The following SPIDR variants were observed in gnomAD, a reference collection of about 807,000 sequenced individuals.
The protein encoded by SPIDR is scaffold protein involved in DNA repair.
A neutral mutation model predicts 104.6 loss-of-function variants in SPIDR; 93 were observed. The ratio of observed to expected loss-of-function variants is 0.89; its 90% CI spans 0.75 to 1.06. The LOEUF (loss-of-function observed/expected upper bound fraction) is 1.06, where lower values mean the gene tolerates loss of function less well. Among genes scored for constraint, SPIDR ranks in the 50% least tolerant of loss-of-function variants. The pLI is 0.00. For missense variants in SPIDR, 1,154 were observed against 1,111.2 expected (o/e 1.04, Z -0.55); for synonymous variants, 431 against 416.9 (o/e 1.03, Z -0.41).
chr8:47,267,211 G>T (rs182885892), intron 1 of SPIDR, among the ~76,000 whole-genome samples: 1 of 151,688 alleles, frequency 6.6e-6, no homozygotes, highest in South Asian at 2.1e-4. Flanking sequence ...ATTGAGATCC[G>T]GTCTCATTAT....
intron 8 of SPIDR, among the ~76,000 whole-genome samples, chr8:47,478,936 G>A (rs1354113694): frequency 1.3e-5 from 2 of 152,134 alleles, no homozygotes; most frequent in African/African-American, 2.4e-5. Flanking sequence ...CATCCAAGCC[G>A]TTCTTAGCTT....
chr8:47,713,117 C>T (rs2082107354), intron 15 of SPIDR: 4 of 969,842 alleles, frequency 4.1e-6, no homozygotes, highest in Non-Finnish European at 5.6e-6. Flanking sequence ...GCACCCCATA[C>T]TGCTGCAGAC....
At chr8:47,322,083 A>C (rs913242545) in intron 5 of SPIDR, among the ~76,000 whole-genome samples, 1 of 152,240 alleles carries the variant, frequency 6.6e-6, no homozygotes, top group African/African-American at 2.4e-5. Flanking sequence ...ACGAAAGCCA[A>C]AATTGACAAC....
At chr8:47,733,100 T>A (rs985956738) in intron 19 of SPIDR, among the ~76,000 whole-genome samples, 28 of 152,228 alleles carry the variant, frequency 1.8e-4, no homozygotes, top group African/African-American at 4.3e-4. Flanking sequence ...CATAAAAGAT[T>A]TATTACTTGG....
chr8:47,433,764 C>G (rs2067775742), intron 7 of SPIDR, among the ~76,000 whole-genome samples: 1 of 152,174 alleles, frequency 6.6e-6, no homozygotes, highest in Non-Finnish European at 1.5e-5. Flanking sequence ...TATTTGTTAA[C>G]TCTTGGAGTC....
At chr8:47,592,504 A>G (rs2061153339) in intron 8 of SPIDR, 4 of 1,417,690 alleles carry the variant, frequency 2.8e-6, no homozygotes, top group Non-Finnish European at 4.0e-6. Context: ...TGACCACATG[A>G]AAATAACAGG....
intron 8 of SPIDR, among the ~76,000 whole-genome samples, chr8:47,467,884 A>T (rs1554718547): frequency 1.3e-5 from 2 of 152,150 alleles, no homozygotes; most frequent in African/African-American, 4.8e-5. Context: ...AATAAATAAA[A>T]GGCATCTAAA....
At chr8:47,433,449 ATCT>A (rs781848599) in intron 7 of SPIDR, among the ~76,000 whole-genome samples, 5 of 149,080 alleles carry the variant, frequency 3.4e-5, no homozygotes, top group African/African-American at 1.2e-4. Flanking sequence ...AACTGATTCG[ATCT>A]TCTTTTTCCC....
chr8:47,293,856 A>T lies in SPIDR; in HGVS notation c.362-11A>T. ...GAGATAATTAAGCAAGTTAAAAATT[A>T]TATTTTTTAGATGAATTACAGTTTA... On this transcript the variant is annotated splice_polypyrimidine_tract_variant and intron_variant, in intron 4 of 19. Coordinates refer to ENST00000297423, the MANE Select transcript of SPIDR (RefSeq NM_001080394.4). 2 of 1,598,240 alleles carry T rather than the reference A, an allele frequency of 1.3e-6. No individual in the cohort carries two copies. The highest frequency in any genetic ancestry group is 1.7e-6 in the Non-Finnish European group (2 of 1,170,928).
intron 5 of SPIDR, among the ~76,000 whole-genome samples, chr8:47,331,533 T>G (rs2048663450): frequency 6.6e-6 from 1 of 152,158 alleles, no homozygotes; most frequent in Non-Finnish European, 1.5e-5. Context: ...GTGGTATACA[T>G]GTATAGGGCA....
At chr8:47,666,903 A>G (rs2075007647) in intron 10 of SPIDR, among the ~76,000 whole-genome samples, 1 of 152,356 alleles carries the variant, frequency 6.6e-6, no homozygotes, top group South Asian at 2.1e-4. Flanking sequence ...ACAACTGATA[A>G]TAAAAATACT....
intron 17 of SPIDR, 105 bp from the exon 18 acceptor site, chr8:47,728,828 T>G (rs1309527407): frequency 6.6e-6 from 9 of 1,362,170 alleles, no homozygotes; most frequent in Non-Finnish European, 9.0e-6. Flanking sequence ...AAAGCCCCGT[T>G]TTCTAGCTCA....
chr8:47,500,761 T>C (rs1244293938), intron 8 of SPIDR, among the ~76,000 whole-genome samples: 1 of 152,216 alleles, frequency 6.6e-6, no homozygotes, highest in Non-Finnish European at 1.5e-5. Flanking sequence ...TCTTCTAGGG[T>C]TTTTATGGTT....
At chr8:47,552,270 G>A (rs2090627900) in intron 8 of SPIDR, among the ~76,000 whole-genome samples, 2 of 152,182 alleles carry the variant, frequency 1.3e-5, no homozygotes, top group Non-Finnish European at 2.9e-5. Flanking sequence ...GGAGAGTTCT[G>A]TAGATGTCTA....
chr8:47,335,999 A>G (rs1258729230), intron 5 of SPIDR, among the ~76,000 whole-genome samples: 2 of 151,616 alleles, frequency 1.3e-5, no homozygotes, highest in East Asian at 1.9e-4. Flanking sequence ...GGTGTGTAAC[A>G]GTAATTTGGG....
At chr8:47,303,335 C>T (rs1476812872) in intron 5 of SPIDR, among the ~76,000 whole-genome samples, 3 of 152,226 alleles carry the variant, frequency 2.0e-5, no homozygotes, top group Non-Finnish European at 4.4e-5. Context: ...TTTCCAGGTG[C>T]TGTCTGTCAC....
chr8:47,356,726 G>A (rs1554626051), intron 5 of SPIDR, among the ~76,000 whole-genome samples: 1 of 119,872 alleles, frequency 8.3e-6, no homozygotes. Flanking sequence ...ATTTGCAGTG[G>A]GTGGTAGCAG....
intron 11 of SPIDR, among the ~76,000 whole-genome samples, chr8:47,691,030 G>C (rs2078563042): frequency 6.6e-6 from 1 of 152,054 alleles, no homozygotes. Context: ...AGTGGCTCAT[G>C]CCTGTAATCC....
At position 47,394,471 on chromosome 8, in the gene SPIDR, C is replaced by T. The variant is rs936778216; in HGVS notation, c.526-1905C>T. On this transcript the variant is annotated intron_variant, in intron 5 of 19. Transcript: ENST00000297423. Reference sequence around the variant, plus strand: ...TGGTTCTCAACTGGGGGTGATTTTGCCCCCAGGGGACATTTGGCAACTTCC... The same window carrying T: ...TGGTTCTCAACTGGGGGTGATTTTGTCCCCAGGGGACATTTGGCAACTTCC... Among the ~76,000 whole-genome samples, 3 of 152,156 alleles carry T rather than the reference C, an allele frequency of 2.0e-5. No homozygotes were observed. In the East Asian group the frequency reaches 5.8e-4, roughly 29 times the overall value.
Sources: gnomAD v4.1 joint callset for allele counts (sites outside exome capture counted in the v4.1 genomes callset) on GRCh38, gnomAD v4.1.1 for gene constraint, MANE v1.5 for transcripts, NCBI Gene and HGNC (gene_info 2026-07-23, HGNC 2026-07-21) for gene names.